LBR: variants seen among roughly 807,000 people sequenced by gnomAD.
LBR encodes lamin B receptor.
LBR carries 28 observed loss-of-function variants against 74.3 expected under a neutral mutation model. That is an observed-to-expected ratio of 0.38 (90% CI 0.28 to 0.52). The LOEUF is 0.52. LBR is among the 20% of genes least tolerant of loss of function. The probability of loss-of-function intolerance (pLI) is 0.89; values close to 1 mark genes in which losing one functional copy is unlikely to be tolerated. For missense variants in LBR, 717 were observed against 760.3 expected (o/e 0.94, Z 0.67); for synonymous variants, 228 against 269.3 (o/e 0.85, Z 1.50).
intron 6 of LBR, among the ~76,000 whole-genome samples, chr1:225,416,082 G>A (rs146884170): frequency 1.5e-4 from 23 of 151,994 alleles, no homozygotes; most frequent in Non-Finnish European, 3.1e-4. Context: ...GGTGGCACGC[G>A]CCTGTGGTCC....
chr1:225,407,229 G>C (rs2096094028), intron 10 of LBR, among the ~76,000 whole-genome samples: 1 of 152,108 alleles, frequency 6.6e-6, no homozygotes, highest in Non-Finnish European at 1.5e-5. Context: ...TTGGGTTACT[G>C]TACTTGTCTA....
rs754965290 is a variant in LBR at position 225,412,656 on chromosome 1, A to G, written c.893-11T>C. 2 of 1,603,136 alleles carry G rather than the reference A, an allele frequency of 1.2e-6. No homozygotes were observed. The highest frequency in any genetic ancestry group is 1.1e-5 in the South Asian group (1 of 88,460). On this transcript the variant is annotated splice_polypyrimidine_tract_variant and intron_variant, in intron 7 of 13. Coordinates refer to ENST00000272163, the MANE Select transcript of LBR (RefSeq NM_002296.4). ...TAAAAGCATAGAATCCTTTAAAAAA[A>G]AAAAAAAAAGGAAGTGGAAAATTAA...
chr1:225,414,475 T>C (rs1404023039), intron 7 of LBR, among the ~76,000 whole-genome samples: 2 of 152,216 alleles, frequency 1.3e-5, no homozygotes, highest in Non-Finnish European at 2.9e-5. Flanking sequence ...GATCTGTACT[T>C]TGCCAAAGTC....
intron 2 of LBR, among the ~76,000 whole-genome samples, chr1:225,423,561 C>G (rs527857648): frequency 6.6e-6 from 1 of 152,292 alleles, no homozygotes; most frequent in South Asian, 2.1e-4. Flanking sequence ...GTTCTCAGCA[C>G]TTGGCTAGGT....
At chr1:225,408,071 T>C (rs1434238038) in intron 10 of LBR, among the ~76,000 whole-genome samples, 1 of 152,226 alleles carries the variant, frequency 6.6e-6, no homozygotes, top group Non-Finnish European at 1.5e-5. Context: ...TTTGAAACTA[T>C]GTATCACTGT....
rs774389031 is a variant in LBR at position 225,404,488 on chromosome 1, G to C, written c.1603C>G (p.Leu535Val). ...TIHTSTGKNLLVSGWWGFVRH... is the reference protein window; with the variant it reads ...TIHTSTGKNLVVSGWWGFVRH... Reference sequence around the variant, plus strand: ...ACAAAGCCCCACCATCCAGAAACTAGAAGATTTTTTCCCGTTGAAGTATGA... The same window carrying C: ...ACAAAGCCCCACCATCCAGAAACTACAAGATTTTTTCCCGTTGAAGTATGA... The change falls in exon 13 of 14, where the codon CTA becomes GTA. Residue 535 changes from leucine to valine, a missense_variant. Leu to Val is a conservative substitution (Grantham distance 32). Coordinates refer to ENST00000272163, the MANE Select transcript of LBR (RefSeq NM_002296.4). The C allele has an allele frequency of 1.5e-5, 24 of 1,613,594 alleles. No individual in the cohort carries two copies. The South Asian group carries it at 2.0e-4, about 13-fold the overall frequency.
At chr1:225,425,368 G>A (rs2096137043) in intron 1 of LBR, among the ~76,000 whole-genome samples, 4 of 152,162 alleles carry the variant, frequency 2.6e-5, no homozygotes, top group Non-Finnish European at 5.9e-5. Flanking sequence ...GTACTTATCT[G>A]GTGATTAGAG....
At chr1:225,423,780 T>C in intron 2 of LBR, 131 bp downstream of exon 2, 1 of 867,388 alleles carries the variant, frequency 1.2e-6, no homozygotes, top group Non-Finnish European at 1.9e-6. Flanking sequence ...AAACAGTATG[T>C]GACCCAAAGC....
chr1:225,418,638 G>A (rs2096121942), intron 5 of LBR, among the ~76,000 whole-genome samples: 1 of 152,200 alleles, frequency 6.6e-6, no homozygotes, highest in Non-Finnish European at 1.5e-5. Context: ...ATGCTGGACA[G>A]CATCTGTAAC....
chr1:225,405,312 C>T (rs2096089241), intron 11 of LBR, among the ~76,000 whole-genome samples: 1 of 152,170 alleles, frequency 6.6e-6, no homozygotes, highest in African/African-American at 2.4e-5. Flanking sequence ...ATAGTCGATC[C>T]TCAATAAACT....
chr1:225,404,563 A>G (rs368317695), intron 12 of LBR, 37 bp from the exon 13 acceptor site: 1 of 1,572,178 alleles, frequency 6.4e-7, no homozygotes. Context: ...AATGATGTCG[A>G]GACAAAAAGA....
At position 225,404,334 on chromosome 1, in the gene LBR, A is replaced by G. The variant is rs2096087022; in HGVS notation, c.1687+70T>C. ...ACCCACCTTGGCCACACTGTCCCACACAAAGGACACACACACACATCTTTC... is the reference window on the plus strand; with the variant it reads ...ACCCACCTTGGCCACACTGTCCCACGCAAAGGACACACACACACATCTTTC... On this transcript the variant is annotated intron_variant, in intron 13 of 13. Coordinates refer to ENST00000272163, the MANE Select transcript of LBR (RefSeq NM_002296.4). 4 of 1,606,690 alleles carry G rather than the reference A, an allele frequency of 2.5e-6. No homozygotes were observed. In the Admixed American group the frequency reaches 6.7e-5, roughly 27 times the overall value.
At position 225,421,450 on chromosome 1, in the gene LBR, G is replaced by A. The variant is rs929300978; in HGVS notation, c.366+627C>T. On this transcript the variant is annotated intron_variant, in intron 3 of 13. Transcript: ENST00000272163. Reference sequence around the variant, plus strand: ...GGAGCTTGCAGTGAGCTGAGATTGCGCCACTGCGCTCCAGCCTGGGTGACA... The same window carrying A: ...GGAGCTTGCAGTGAGCTGAGATTGCACCACTGCGCTCCAGCCTGGGTGACA... 3.9e-5 allele frequency among the ~76,000 whole-genome samples: 6 copies of A among 152,238 alleles called. No individual in the cohort carries two copies. In the South Asian group the frequency reaches 6.2e-4, roughly 16 times the overall value.
chr1:225,419,374 A>C lies in LBR; in HGVS notation c.529T>G (p.Leu177Val), dbSNP rs1040197581. ...TCTTCCTTAGAATCTATTTCTTTTA[A>C]TTTGACTTCTTCTCTTCTTGGACGA... Reference protein sequence around the residue: ...SLRPRREEVKLKEIDSKEEKY... With the variant: ...SLRPRREEVKVKEIDSKEEKY... The change falls in exon 5 of 14, where the codon TTA becomes GTA. Residue 177 changes from leucine to valine, a missense_variant. By Grantham distance (32) the Leu-to-Val change is conservative. Transcript: ENST00000272163. 1 of 1,613,986 alleles carries C rather than the reference A, an allele frequency of 6.2e-7. No homozygotes were observed.
chr1:225,418,001 G>T lies in LBR; in HGVS notation c.820C>A (p.Leu274Ile). Reference sequence around the variant, plus strand: ...AAACGTACCTTTCCAATTGGCAGTAGGTAGAACAGGACTTGAATCAAAAAC... The same window carrying T: ...AAACGTACCTTTCCAATTGGCAGTATGTAGAACAGGACTTGAATCAAAAAC... Reference protein sequence around the residue: ...LWFLIQVLFYLLPIGKVVEGT... With the variant: ...LWFLIQVLFYILPIGKVVEGT... The change falls in exon 6 of 14, where the codon CTA becomes ATA. Residue 274 changes from leucine to isoleucine, a missense_variant. Leu to Ile is a conservative substitution (Grantham distance 5, BLOSUM62 2). Coordinates refer to ENST00000272163, the MANE Select transcript of LBR (RefSeq NM_002296.4). The T allele has an allele frequency of 6.2e-7, 1 of 1,614,082 alleles. No individual in the cohort carries two copies.
At chr1:225,424,294 T>C (rs2096134916) in intron 1 of LBR, among the ~76,000 whole-genome samples, 3 of 152,232 alleles carry the variant, frequency 2.0e-5, no homozygotes, top group African/African-American at 7.2e-5. Context: ...TAAAGATTAA[T>C]TATAACAATG....
Position 225,406,819 on chromosome 1 carries a change from G to C in LBR, c.1328C>G (p.Thr443Arg), listed in dbSNP as rs531565954. ...DALWNEEALL[T>R]TMDIIHDGFG... ...TCCATCGTGGATGATGTCCATGGTC[G>C]TCAACAACGCTTCCTATAAGGATAC... The change falls in exon 11 of 14, where the codon ACG becomes AGG. Residue 443 changes from threonine to arginine, a missense_variant. Coordinates refer to ENST00000272163, the MANE Select transcript of LBR (RefSeq NM_002296.4). The C allele has an allele frequency of 6.2e-7, 1 of 1,614,174 alleles. No homozygotes were observed. Among genetic ancestry groups the C allele is most frequent in the Admixed American group, 1.7e-5 (1 of 60,026 alleles).
intron 7 of LBR, 22 bp from the exon 8 acceptor site, chr1:225,412,667 G>GAAGT (rs1558653121): frequency 5.6e-6 from 8 of 1,432,616 alleles, no homozygotes; most frequent in Admixed American, 1.8e-5. Context: ...AAAAAAAAAG[G>GAAGT]AAGTGGAAAA....
chr1:225,405,265 G>A (rs139239071), intron 11 of LBR, among the ~76,000 whole-genome samples: 35 of 152,320 alleles, frequency 2.3e-4, no homozygotes, highest in Non-Finnish European at 3.1e-4. Context: ...ATTTCAGAAT[G>A]TCAAAAATCA....
Sources: gnomAD v4.1 joint callset for allele counts (sites outside exome capture counted in the v4.1 genomes callset) on GRCh38, gnomAD v4.1.1 for gene constraint, MANE v1.5 for transcripts, NCBI Gene and HGNC (gene_info 2026-07-23, HGNC 2026-07-21) for gene names.